The following PCDHA3 variants were observed in gnomAD, a reference collection of about 807,000 sequenced individuals.
PCDHA3 encodes protocadherin alpha 3.
In PCDHA3, 41 loss-of-function variants were observed where a neutral mutation model predicts 62.2. That is an observed-to-expected ratio of 0.66 (90% confidence interval 0.51 to 0.86). The LOEUF is 0.86. PCDHA3 is among the 40% of genes least tolerant of loss of function. The pLI is 0.00. For synonymous variants in PCDHA3, 640 were observed against 555.4 expected, an observed-to-expected ratio of 1.15 and a Z score of -2.14; for missense variants, 1,304 against 1,241.2, an observed-to-expected ratio of 1.05 and a Z score of -0.76.
At position 140,982,472 on chromosome 5, in the gene PCDHA3, C is replaced by T; in HGVS notation, c.2454-3C>T. The stretch of plus-strand genomic sequence containing the variant: ...CGTTATCTGGGTCTGTGTGTTTATT[C>T]AGCTCTGTGCACCTAGAGGAGGCTG... On this transcript the variant is annotated splice_polypyrimidine_tract_variant and splice_region_variant and intron_variant, in intron 2 of 3. Transcript: ENST00000522353. The T allele has an allele frequency of 3.1e-6, 5 of 1,614,144 alleles. No individual in the cohort carries two copies. Among genetic ancestry groups the T allele is most frequent in the Non-Finnish European group, 4.2e-6 (5 of 1,180,022 alleles).
At position 140,850,009 on chromosome 5, in the gene PCDHA3, C is replaced by G. The variant is rs2150463255; in HGVS notation, c.2394+46418C>G. The G allele has an allele frequency of 3.8e-5, 61 of 1,596,962 alleles. 4 individuals carry two copies. Among genetic ancestry groups the G allele is most frequent in the Non-Finnish European group, 5.1e-5 (60 of 1,167,842 alleles). On this transcript the variant is annotated intron_variant, in intron 1 of 3. Transcript: ENST00000522353. ...CGGCGGTTGGGCGAGCGCTCGCTGT[C>G]GAGCTACGTGTCAGTGCACGCGGAG...
At chr5:140,927,342 TGAC>T (rs1554204398) in intron 1 of PCDHA3, 1 of 1,614,160 alleles carries the variant, frequency 6.2e-7, no homozygotes, top group Non-Finnish European at 8.5e-7. Context: ...ATGCCCAAGA[TGAC>T]GACGAGGGAA....
rs1265467066 is a variant in PCDHA3 at position 140,843,106 on chromosome 5, C to A, written c.2394+39515C>A. On this transcript the variant is annotated intron_variant, in intron 1 of 3. Coordinates refer to ENST00000522353, the MANE Select transcript of PCDHA3 (RefSeq NM_018906.3). ...CGGGCCACGTGGTAGCGAAGGTGCGCGCAGTGGACGCCGACTCGGGCTACA... is the reference window on the plus strand; with the variant it reads ...CGGGCCACGTGGTAGCGAAGGTGCGAGCAGTGGACGCCGACTCGGGCTACA... 1.7e-5 allele frequency: 27 copies of A among 1,595,592 alleles called. 2 individuals are homozygous for A. The highest frequency in any genetic ancestry group is 8.4e-5 in the Admixed American group (5 of 59,298).
In PCDHA3 at chr5:140,858,295, G is replaced by T. The variant is rs190932191; in HGVS notation, c.2394+54704G>T. 8.8e-5 allele frequency: 140 copies of T among 1,597,360 alleles called. 13 individuals are homozygous for T. Among genetic ancestry groups the T allele is most frequent in the African/African-American group, 2.6e-4 (19 of 74,394 alleles). The stretch of plus-strand genomic sequence containing the variant: ...GCGCGGTGGGGAGCTGGTCTTACTC[G>T]CAGCAGAGGCGGCAGAGGGTGTGTT... On this transcript the variant is annotated intron_variant, in intron 1 of 3. Transcript: ENST00000522353.
intron 1 of PCDHA3, chr5:140,870,988 G>T: frequency 6.2e-7 from 1 of 1,613,492 alleles, no homozygotes; most frequent in Non-Finnish European, 8.5e-7. Flanking sequence ...GTACACGGGC[G>T]AGATAAGCAC....
intron 1 of PCDHA3, chr5:140,968,744 G>T: frequency 6.2e-7 from 1 of 1,614,164 alleles, no homozygotes; most frequent in Non-Finnish European, 8.5e-7. Context: ...CAACCTGACC[G>T]TGGTGGTCCG....
At chr5:140,852,355 G>A in intron 1 of PCDHA3, 1 of 208,524 alleles carries the variant, frequency 4.8e-6, no homozygotes, top group Non-Finnish European at 9.3e-6. Context: ...TTGGCTCACT[G>A]CAACGTCTGC....
chr5:140,914,159 G>A (rs1193212496), intron 1 of PCDHA3, among the ~76,000 whole-genome samples: 3 of 152,088 alleles, frequency 2.0e-5, no homozygotes, highest in African/African-American at 4.8e-5. Flanking sequence ...TGTCCAATAC[G>A]GAAAGTGGGG....
chr5:140,980,877 C>T (rs1321284538), intron 2 of PCDHA3, among the ~76,000 whole-genome samples: 9 of 152,186 alleles, frequency 5.9e-5, no homozygotes, highest in African/African-American at 1.7e-4. Flanking sequence ...TGGGTGTTCT[C>T]GGTCTTTCCA....
At chr5:140,871,654 A>G in intron 1 of PCDHA3, 3 of 1,238,202 alleles carry the variant, frequency 2.4e-6, no homozygotes, top group East Asian at 2.6e-5. Context: ...CAAATGATAC[A>G]CATCTTCAGT....
At chr5:140,925,131 T>A (rs986113292) in intron 1 of PCDHA3, among the ~76,000 whole-genome samples, 5 of 150,904 alleles carry the variant, frequency 3.3e-5, no homozygotes, top group East Asian at 1.9e-4. Context: ...GGAAAAAAAA[T>A]TTCAAACATA....
At chr5:140,823,609 C>G (rs1554129478) in intron 1 of PCDHA3, 1 of 1,614,036 alleles carries the variant, frequency 6.2e-7, no homozygotes, top group Non-Finnish European at 8.5e-7. Flanking sequence ...TGAGCTGCAG[C>G]CAGCGCCTGG....
rs1255289031 is a variant in PCDHA3 at position 141,010,188 on chromosome 5, T to C, written c.*251T>C. On this transcript the variant is annotated 3_prime_UTR_variant, in exon 4 of 4. Transcript: ENST00000522353. Reference sequence around the variant, plus strand: ...CAGAACCTAAAAAGCAGACCCAAGTTTCCTTTCTCCTCCGCCGCAAAGGAG... The same window carrying C: ...CAGAACCTAAAAAGCAGACCCAAGTCTCCTTTCTCCTCCGCCGCAAAGGAG... 1.3e-6 allele frequency: 2 copies of C among 1,552,952 alleles called. No individual in the cohort carries two copies. Among genetic ancestry groups the C allele is most frequent in the Non-Finnish European group, 8.7e-7 (1 of 1,147,482 alleles).
chr5:140,875,340 C>A, intron 1 of PCDHA3: 1 of 1,442,242 alleles, frequency 6.9e-7, no homozygotes, highest in Non-Finnish European at 9.1e-7. Flanking sequence ...AGGATCGACT[C>A]CATAATGACT....
intron 1 of PCDHA3, chr5:140,843,672 A>G: frequency 6.3e-7 from 1 of 1,592,800 alleles, no homozygotes; most frequent in Non-Finnish European, 8.6e-7. Context: ...GGATCAGTTG[A>G]TGTAGGCGAA....
intron 1 of PCDHA3, chr5:140,967,421 C>T (rs2096138629): frequency 6.2e-7 from 1 of 1,613,120 alleles, no homozygotes; most frequent in Non-Finnish European, 8.5e-7. Context: ...AGACCGGGAG[C>T]AGGCAGCCTT....
chr5:140,837,266 T>C (rs1774990691), intron 1 of PCDHA3: 1 of 152,238 alleles, frequency 6.6e-6, no homozygotes, highest in African/African-American at 2.4e-5. Context: ...CATATTTGTG[T>C]AGCACTGACT....
At chr5:140,864,213 C>T (rs1389443344) in intron 1 of PCDHA3, 1 of 152,256 alleles carries the variant, frequency 6.6e-6, no homozygotes, top group East Asian at 1.9e-4. Context: ...CAAATCTTCT[C>T]AATTTTGAAG....
chr5:140,813,976 C>G (rs1765414917), intron 1 of PCDHA3: 1 of 152,588 alleles, frequency 6.6e-6, no homozygotes, highest in Non-Finnish European at 1.5e-5. Flanking sequence ...CCAGCCTGAG[C>G]AACAGAGTGA....
Sources: allele counts gnomAD v4.1 joint callset (sites outside exome capture counted in the v4.1 genomes callset), GRCh38; gene constraint gnomAD v4.1.1; transcripts MANE v1.5; gene names NCBI Gene and HGNC (gene_info 2026-07-23, HGNC 2026-07-21).